Variants in PDZD7 observed in about 807,000 individuals in gnomAD.
The protein encoded by PDZD7 is PDZ domain containing 7.
In PDZD7, 72 loss-of-function variants were observed where a neutral mutation model predicts 84.7. That is an observed-to-expected ratio of 0.85 (90% CI 0.70 to 1.03). PDZD7 has a LOEUF of 1.03. Ranked by LOEUF, PDZD7 falls within the 50% of genes least tolerant of loss-of-function variation. PDZD7 has a pLI of 0.00. For missense variants in PDZD7, 1,490 were observed against 1,412.9 expected (o/e 1.05, Z -0.87); for synonymous variants, 594 against 580.7 (o/e 1.02, Z -0.33).
chr10:101,010,589 C>A lies in PDZD7; in HGVS notation c.2300G>T (p.Arg767Leu). 1 of 1,512,710 alleles carries A rather than the reference C, an allele frequency of 6.6e-7. No individual in the cohort carries two copies. The allele number at this position is 1,512,710 out of a possible 1,614,324, so 93.7% of individuals were successfully genotyped here. ...SREHPPQSQIRGRAQSRSRSR... is the reference protein window; with the variant it reads ...SREHPPQSQILGRAQSRSRSR... ...GCGGCTACGGCTCTGAGCCCGGCCC[C>A]GGATCTGGCTCTGCGGAGGGTGCTC... Residue 767 changes from arginine to leucine, a missense_variant, in exon 15 of 17, where the codon CGG becomes CTG. Transcript: ENST00000619208.
intron 9 of PDZD7, 199 bp downstream of exon 9, chr10:101,017,900 G>GAAAGAAAGA (rs1852783857): frequency 4.4e-6 from 2 of 452,796 alleles, no homozygotes; most frequent in South Asian, 3.3e-5. Flanking sequence ...AGAAAAGAAA[G>GAAAGAAAGA]AAAGAAAGAA....
At position 101,023,982 on chromosome 10, in the gene PDZD7, A is replaced by T. The variant is rs1268326679; in HGVS notation, c.313T>A (p.Ser105Thr). 4 of 1,614,106 alleles carry T rather than the reference A, an allele frequency of 2.5e-6. No homozygotes were observed. Among genetic ancestry groups the T allele is most frequent in the Non-Finnish European group, 3.4e-6 (4 of 1,180,048 alleles). Residue 105 changes from serine (S) to threonine (T), a missense_variant, in exon 3 of 17, where the codon TCA becomes ACA. By Grantham distance (58) the Ser-to-Thr change is moderately conservative (BLOSUM62 1). Transcript: ENST00000619208. ...GRLGFSVRGGSEHGLGIFVSK... is the reference protein window; with the variant it reads ...GRLGFSVRGGTEHGLGIFVSK... ...ACGAAGATGCCCAGGCCATGCTCTG[A>T]GCCCCCGCGCACGCTGAAGCCCAGC...
At chr10:101,016,693 G>A (rs1390704680) in intron 9 of PDZD7, among the ~76,000 whole-genome samples, 1 of 152,188 alleles carries the variant, frequency 6.6e-6, no homozygotes, top group Non-Finnish European at 1.5e-5. Context: ...GCAAATGTAT[G>A]GAGGGAAGAA....
chr10:101,019,758 T>C (rs1044370721), intron 7 of PDZD7, among the ~76,000 whole-genome samples: 1 of 151,738 alleles, frequency 6.6e-6, no homozygotes, highest in African/African-American at 2.4e-5. Context: ...CCCAAGTAGC[T>C]GGTATGACAG....
At chr10:101,023,662 C>A (rs781308605) in intron 3 of PDZD7, 52 bp from the exon 4 acceptor site, 17 of 1,594,228 alleles carry the variant, frequency 1.1e-5, no homozygotes, top group Non-Finnish European at 1.4e-5. Flanking sequence ...TGGGGCTGAG[C>A]CTCCCCCATC....
At chr10:101,018,421 C>A in intron 8 of PDZD7, 125 bp from the exon 9 acceptor site, 1 of 1,046,400 alleles carries the variant, frequency 9.6e-7, no homozygotes, top group Non-Finnish European at 1.4e-6. Flanking sequence ...GCAGCTACGC[C>A]GGGGTGAGAG....
chr10:101,010,533 G>GGCC lies in PDZD7; in HGVS notation c.2355_2356insGGC (p.Ser785_Arg786insGly). The GGCC allele has an allele frequency of 6.9e-7, 1 of 1,439,090 alleles. No homozygotes were observed. 89.1% of individuals were successfully genotyped at this position (1,439,090 alleles called of 1,614,324 possible). A position where few individuals can be genotyped will look rare whatever the true frequency, so the allele number is the denominator to read the frequency against. On this transcript the variant is annotated inframe_insertion, in exon 15 of 17. Coordinates refer to ENST00000619208, the MANE Select transcript of PDZD7 (RefSeq NM_001195263.2). Reference sequence around the variant, plus strand: ...CTACCTGGAGACTTGCCTTGACCCCGGCTGCTGCGGCTGCGGCTGCGGCTA... The same window carrying GGCC: ...CTACCTGGAGACTTGCCTTGACCCCGGCCGCTGCTGCGGCTGCGGCTGCGGCTA...
Position 101,019,023 on chromosome 10 carries a change from C to A in PDZD7, c.1123G>T (p.Asp375Tyr). Residue 375 changes from aspartate to tyrosine, a missense_variant, in exon 8 of 17, where the codon GAT (aspartate) becomes TAT (tyrosine). Transcript: ENST00000619208. ...CAGGTCTCCACCCGGCCTCCCGCATCGGGCTCCGTCTGCATGGCTGTGTCC... is the reference window on the plus strand; with the variant it reads ...CAGGTCTCCACCCGGCCTCCCGCATAGGGCTCCGTCTGCATGGCTGTGTCC... ...RADTAMQTEP[D>Y]AGGRVETWCS... 1 of 1,572,620 alleles carries A rather than the reference C, an allele frequency of 6.4e-7. No individual in the cohort carries two copies.
At chr10:101,030,687 T>A in intron 1 of PDZD7, 1 of 308,912 alleles carries the variant, frequency 3.2e-6, no homozygotes, top group South Asian at 2.9e-5. Context: ...CCCTGGGGCT[T>A]AGAGAGGTGT....
At chr10:101,026,848 T>C (rs1260450796) in intron 2 of PDZD7, among the ~76,000 whole-genome samples, 1 of 151,992 alleles carries the variant, frequency 6.6e-6, no homozygotes, top group East Asian at 1.9e-4. Flanking sequence ...CTGATTAGAT[T>C]ACACAGATCT....
At position 101,019,032 on chromosome 10, in the gene PDZD7, TC is replaced by T. The variant is rs1280689930; in HGVS notation, c.1113del (p.Thr372ArgfsTer67). ...ACCCGGCCTCCCGCATCGGGCTCCGTCTGCATGGCTGTGTCCGCCCGCCCCC... is the reference window on the plus strand; with the variant it reads ...ACCCGGCCTCCCGCATCGGGCTCCGTTGCATGGCTGTGTCCGCCCGCCCCC... ...PGWGRADTAM[Q>X]TEPDAGGRVE... On this transcript the variant is annotated frameshift_variant, in exon 8 of 17. Coordinates refer to ENST00000619208, the MANE Select transcript of PDZD7 (RefSeq NM_001195263.2). LOFTEE classifies it high-confidence loss of function. 8.3e-6 allele frequency: 13 copies of T among 1,573,484 alleles called. No individual in the cohort carries two copies. Among genetic ancestry groups the T allele is most frequent in the Non-Finnish European group, 1.1e-5 (13 of 1,163,726 alleles).
rs570117375 is a variant in PDZD7 at position 101,026,155 on chromosome 10, G to C, written c.227-2087C>G. Among the ~76,000 whole-genome samples, 4 of 150,614 alleles carry C rather than the reference G, an allele frequency of 2.7e-5. No individual in the cohort carries two copies. In the South Asian group the frequency reaches 8.4e-4, roughly 32 times the overall value. ...GGGGAAGAATTTTTTTTTTTTTTGAGACGGAATCTCGCTTCTTCTCCCAGG... is the reference window on the plus strand; with the variant it reads ...GGGGAAGAATTTTTTTTTTTTTTGACACGGAATCTCGCTTCTTCTCCCAGG... On this transcript the variant is annotated intron_variant, in intron 2 of 16. Transcript: ENST00000619208.
rs866280402 is a variant in PDZD7 at position 101,019,240 on chromosome 10, G to A, written c.929-23C>T. ...TCACTGCAGGGAGTAGAGAAGCCAGGGATCAGCGGGCTTGCTTCAGAGCCC... is the reference window on the plus strand; with the variant it reads ...TCACTGCAGGGAGTAGAGAAGCCAGAGATCAGCGGGCTTGCTTCAGAGCCC... On this transcript the variant is annotated intron_variant, in intron 7 of 16. Coordinates refer to ENST00000619208, the MANE Select transcript of PDZD7 (RefSeq NM_001195263.2). 18 of 1,535,058 alleles carry A rather than the reference G, an allele frequency of 1.2e-5. No homozygotes were observed. In the Middle Eastern group the frequency reaches 1.3e-3, roughly 110 times the overall value.
Position 101,018,202 on chromosome 10 carries a change from C to T in PDZD7, c.1419G>A (p.Lys473=). The change falls in exon 9 of 17, where the codon AAG becomes AAA. Residue 473 remains lysine (K), a synonymous_variant. Transcript: ENST00000619208. Reference sequence around the variant, plus strand: ...GCGCTAGCCTCCCCTGCCGCCCTCCCTTGAAGAAGAGGTTCATCAGCGTCT... The same window carrying T: ...GCGCTAGCCTCCCCTGCCGCCCTCCTTTGAAGAAGAGGTTCATCAGCGTCT... ...RSKTLMNLFF[K]GGRQGRLARD... 6.2e-7 allele frequency: 1 copy of T among 1,614,236 alleles called. No individual in the cohort carries two copies. The highest frequency in any genetic ancestry group is 8.5e-7 in the Non-Finnish European group (1 of 1,180,048).
chr10:101,010,155 A>G (rs1256185997), intron 15 of PDZD7, 117 bp downstream of exon 15: 13 of 1,302,444 alleles, frequency 1.0e-5, no homozygotes, highest in Middle Eastern at 2.0e-4. Context: ...TCAGCCTCCC[A>G]AAGTGCTGGG....
intron 2 of PDZD7, 32 bp downstream of exon 2, chr10:101,029,961 CA>C: frequency 2.0e-6 from 3 of 1,517,904 alleles, no homozygotes; most frequent in South Asian, 1.1e-5. Flanking sequence ...CCACCCTCCC[CA>C]ACCCAGGCCA....
At chr10:101,026,025 A>G (rs193151636) in intron 2 of PDZD7, among the ~76,000 whole-genome samples, 2 of 152,218 alleles carry the variant, frequency 1.3e-5, no homozygotes, top group Admixed American at 1.3e-4. Context: ...AGGGAAAGAA[A>G]CCCCAGACCA....
chr10:101,018,430 A>G, intron 8 of PDZD7, 134 bp from the exon 9 acceptor site: 2 of 959,108 alleles, frequency 2.1e-6, no homozygotes, highest in Non-Finnish European at 3.1e-6. Context: ...CCGGGGTGAG[A>G]GTGCGGTTCC....
chr10:101,026,148 T>C (rs1937686642), intron 2 of PDZD7, among the ~76,000 whole-genome samples: 1 of 151,972 alleles, frequency 6.6e-6, no homozygotes, highest in Non-Finnish European at 1.5e-5. Context: ...ATTTTTTTTT[T>C]TTTTGAGACG....
Sources: allele counts gnomAD v4.1 joint callset (sites outside exome capture counted in the v4.1 genomes callset), GRCh38; gene constraint gnomAD v4.1.1; transcripts MANE v1.5; gene names NCBI Gene and HGNC (gene_info 2026-07-23, HGNC 2026-07-21).